The following DYRK4 variants were observed in gnomAD, a reference collection of about 807,000 sequenced individuals.
DYRK4 encodes dual specificity tyrosine-phosphorylation-regulated kinase 4.
In DYRK4, 64 loss-of-function variants were observed where a neutral mutation model predicts 68.3. That is an observed-to-expected ratio of 0.94 (90% CI 0.77 to 1.15). The LOEUF (loss-of-function observed/expected upper bound fraction) is 1.15, where lower values mean the gene tolerates loss of function less well. Ranked by LOEUF, DYRK4 falls within the 50% of genes most tolerant of loss-of-function variation. DYRK4 has a pLI of 0.00. For missense variants in DYRK4, 740 were observed against 764.7 expected (o/e 0.97, Z 0.38); for synonymous variants, 274 against 289.9 (o/e 0.95, Z 0.56).
intron 2 of DYRK4, among the ~76,000 whole-genome samples, chr12:4,585,654 A>G (rs1056559910): frequency 3.3e-5 from 5 of 152,300 alleles, no homozygotes; most frequent in Admixed American, 1.3e-4. Context: ...GGGAGGGATA[A>G]CATTAGGAGA....
At chr12:4,607,156 G>C (rs901786832) in intron 11 of DYRK4, among the ~76,000 whole-genome samples, 171 bp from the exon 12 acceptor site, 8 of 152,218 alleles carry the variant, frequency 5.3e-5, no homozygotes, top group Non-Finnish European at 1.0e-4. Context: ...CCTGGATTAG[G>C]AGTTAAAAGG....
rs772791656 is a variant in DYRK4, at chr12:4,610,198, A to G, written c.1404A>G (p.Lys468=). ...FPKNITNNRG[K]KRYPDSKDLT... is the part of the protein sequence containing the mutation. The stretch of plus-strand genomic sequence containing the variant: ...AAAATATAACCAACAACAGGGGGAA[A>G]AAAAGATACCCAGATTCCAAGGACC... Residue 468 remains lysine, a synonymous_variant, in exon 13 of 15, where the codon AAA becomes AAG. Coordinates refer to ENST00000543431, the MANE Select transcript of DYRK4 (RefSeq NM_001394779.1). The G allele has an allele frequency of 5.6e-6, 9 of 1,603,396 alleles. No homozygotes were observed. The highest frequency in any genetic ancestry group is 2.3e-5 in the East Asian group (1 of 44,110).
chr12:4,580,164 C>T (rs952162290), intron 2 of DYRK4, among the ~76,000 whole-genome samples: 5 of 152,232 alleles, frequency 3.3e-5, no homozygotes, highest in Admixed American at 2.0e-4. Flanking sequence ...GAAATTGACT[C>T]CAGCTATCTG....
At chr12:4,597,086 G>A (rs1945026833) in intron 8 of DYRK4, 7 of 1,105,564 alleles carry the variant, frequency 6.3e-6, no homozygotes, top group Non-Finnish European at 7.7e-6. Flanking sequence ...TGGCCTGGTC[G>A]TGCAGAGGCT....
rs1309599525 is a variant in DYRK4 at position 4,605,564 on chromosome 12, A to G, written c.1299+478A>G. On this transcript the variant is annotated intron_variant, in intron 11 of 14. Coordinates refer to ENST00000543431, the MANE Select transcript of DYRK4 (RefSeq NM_001394779.1). ...TTATGTTTAGAAACTTCTATCAATC[A>G]TTATAGCTTTAAAAATTTCCTGATA... Among the ~76,000 whole-genome samples, 5 of 152,072 alleles carry G rather than the reference A, an allele frequency of 3.3e-5. No individual in the cohort carries two copies. In the East Asian group the frequency reaches 9.6e-4, roughly 29 times the overall value.
At chr12:4,572,859 G>A (rs894386423) in intron 2 of DYRK4, 10 of 161,726 alleles carry the variant, frequency 6.2e-5, no homozygotes, top group Non-Finnish European at 9.4e-5. Context: ...GGGGCTTCCT[G>A]CAAGAGACGG....
At position 4,567,961 on chromosome 12, in the gene DYRK4, A is replaced by G. The variant is rs1306028141; in HGVS notation, c.45A>G (p.Gln15=). 5 of 1,536,124 alleles carry G rather than the reference A, an allele frequency of 3.3e-6. No individual in the cohort carries two copies. The highest frequency in any genetic ancestry group is 1.2e-5 in the South Asian group (1 of 84,062). Residue 15 remains glutamine (Q), a synonymous_variant, in exon 2 of 15, where the codon CAA becomes CAG. Coordinates refer to ENST00000543431, the MANE Select transcript of DYRK4 (RefSeq NM_001394779.1). ...TTTACTTTCCCTCATGCAGGACTCA[A>G]ATGGATGCTAAAAAGCCAAGGAAAT... ...PPPIRTGTKT[Q]MDAKKPRKCD... is the part of the protein sequence containing the mutation.
chr12:4,566,534 A>C (rs921038240), intron 1 of DYRK4, among the ~76,000 whole-genome samples: 1 of 152,242 alleles, frequency 6.6e-6, no homozygotes, highest in African/African-American at 2.4e-5. Flanking sequence ...CAACACCTGG[A>C]AACATGCTCT....
chr12:4,594,578 C>T (rs186808495), intron 6 of DYRK4, among the ~76,000 whole-genome samples: 25 of 152,266 alleles, frequency 1.6e-4, no homozygotes, highest in African/African-American at 5.5e-4. Flanking sequence ...CTCAACCCCT[C>T]CCTCCCTGCT....
At position 4,585,066 on chromosome 12, in the gene DYRK4, A is replaced by G. The variant is rs151304300; in HGVS notation, c.133-3871A>G. Among the ~76,000 whole-genome samples the G allele has an allele frequency of 1.6e-3, 241 of 152,334 alleles. 1 individual carries two copies. Among genetic ancestry groups the G allele is most frequent in the African/African-American group, 5.5e-3 (228 of 41,580 alleles). Reference sequence around the variant, plus strand: ...ACTGGAGCACCCCTCACCCGCCATCAGCCTGCCTGTGGCATGTCACCGCAG... The same window carrying G: ...ACTGGAGCACCCCTCACCCGCCATCGGCCTGCCTGTGGCATGTCACCGCAG... On this transcript the variant is annotated intron_variant, in intron 2 of 14. Coordinates refer to ENST00000543431, the MANE Select transcript of DYRK4 (RefSeq NM_001394779.1).
chr12:4,605,729 G>GGTTTT (rs1491142357), intron 11 of DYRK4, among the ~76,000 whole-genome samples: 2 of 102,118 alleles, frequency 2.0e-5, no homozygotes, highest in Non-Finnish European at 1.9e-5. Context: ...ATAGAGCTGG[G>GGTTTT]TTTTTTTTTT....
At chr12:4,603,261 C>T (rs1419748034) in intron 10 of DYRK4, 4 of 879,054 alleles carry the variant, frequency 4.6e-6, no homozygotes, top group Non-Finnish European at 7.4e-6. Flanking sequence ...GTTTCATTCT[C>T]TTTTAAGTCT....
chr12:4,603,689 A>C (rs1436719099), intron 10 of DYRK4, among the ~76,000 whole-genome samples: 1 of 152,250 alleles, frequency 6.6e-6, no homozygotes, highest in Non-Finnish European at 1.5e-5. Context: ...TTTTGAGGAC[A>C]TAAAACCTTT....
intron 6 of DYRK4, among the ~76,000 whole-genome samples, chr12:4,593,412 G>C (rs905362679): frequency 1.1e-4 from 16 of 152,130 alleles, no homozygotes; most frequent in African/African-American, 3.9e-4. Flanking sequence ...TGGGGTAGCC[G>C]GTTTGCATCC....
intron 2 of DYRK4, among the ~76,000 whole-genome samples, chr12:4,583,979 A>G (rs892992585): frequency 8.5e-5 from 13 of 152,188 alleles, no homozygotes; most frequent in African/African-American, 3.1e-4. Flanking sequence ...ACTGGTCTTG[A>G]AGTTCCAGGG....
At chr12:4,611,490 A>G (rs949525891) in intron 13 of DYRK4, among the ~76,000 whole-genome samples, 1 of 152,218 alleles carries the variant, frequency 6.6e-6, no homozygotes, top group African/African-American at 2.4e-5. Flanking sequence ...TTATATATAT[A>G]TATTGCTAAT....
At chr12:4,575,119 C>T (rs1276152040) in intron 2 of DYRK4, among the ~76,000 whole-genome samples, 1 of 152,166 alleles carries the variant, frequency 6.6e-6, no homozygotes, top group African/African-American at 2.4e-5. Context: ...GGAGGGGAAC[C>T]GCTGGGTAAC....
At chr12:4,609,761 A>G (rs1226179375) in intron 12 of DYRK4, among the ~76,000 whole-genome samples, 1 of 152,238 alleles carries the variant, frequency 6.6e-6, no homozygotes, top group Non-Finnish European at 1.5e-5. Context: ...ATGATCCAAA[A>G]GGAAATGGAT....
intron 2 of DYRK4, among the ~76,000 whole-genome samples, chr12:4,575,120 G>A (rs1269694921): frequency 6.6e-6 from 1 of 152,210 alleles, no homozygotes; most frequent in Admixed American, 6.5e-5. Flanking sequence ...GAGGGGAACC[G>A]CTGGGTAACA....
Sources: gnomAD v4.1 joint callset for allele counts (sites outside exome capture counted in the v4.1 genomes callset) on GRCh38, gnomAD v4.1.1 for gene constraint, MANE v1.5 for transcripts, NCBI Gene and HGNC (gene_info 2026-07-23, HGNC 2026-07-21) for gene names.